PTPRD: variants seen among roughly 807,000 people sequenced by gnomAD.
PTPRD encodes receptor-type tyrosine-protein phosphatase delta.
Under a neutral mutation model 214.5 loss-of-function variants are expected in PTPRD, and 34 were observed. The observed-to-expected ratio is 0.16, with a 90% CI of 0.12 to 0.21. PTPRD has a LOEUF of 0.21. Among genes scored for constraint, PTPRD ranks in the 10% least tolerant of loss-of-function variants. The pLI, the probability that PTPRD is intolerant of heterozygous loss-of-function variation, is 1.00. For synonymous variants in PTPRD, 1,128 were observed against 845.7 expected (o/e 1.33, Z -5.79); for missense variants, 2,545 against 2,398.7 (o/e 1.06, Z -1.27).
chr9:9,996,556 C>T (rs2096128950), intron 4 of PTPRD, among the ~76,000 whole-genome samples: 1 of 152,156 alleles, frequency 6.6e-6, no homozygotes, highest in South Asian at 2.1e-4. Flanking sequence ...TTCTAGCTGA[C>T]CTTGAGCCTT....
intron 5 of PTPRD, among the ~76,000 whole-genome samples, chr9:9,791,773 T>C (rs1248396027): frequency 1.3e-5 from 2 of 152,162 alleles, no homozygotes; most frequent in African/African-American, 2.4e-5. Context: ...TAGTATACTA[T>C]TTACAAAAAT....
chr9:10,477,262 C>T (rs1455288139), intron 2 of PTPRD, among the ~76,000 whole-genome samples: 1 of 151,996 alleles, frequency 6.6e-6, no homozygotes, highest in African/African-American at 2.4e-5. Context: ...CCAGAATCTA[C>T]AAGGAACTTA....
chr9:9,956,910 A>T (rs10978134), intron 4 of PTPRD, among the ~76,000 whole-genome samples: 2 of 152,270 alleles, frequency 1.3e-5, no homozygotes, highest in East Asian at 3.9e-4. Context: ...AGATGAAAAG[A>T]AAAGATGATG....
chr9:10,235,849 T>G (rs901051784), intron 3 of PTPRD, among the ~76,000 whole-genome samples: 3 of 151,994 alleles, frequency 2.0e-5, no homozygotes, highest in African/African-American at 7.2e-5. Flanking sequence ...TGGGCAATTC[T>G]AGTATTAGTA....
chr9:8,665,630 A>G (rs1177726248), intron 12 of PTPRD, among the ~76,000 whole-genome samples: 2 of 152,146 alleles, frequency 1.3e-5, no homozygotes, highest in Admixed American at 1.3e-4. Context: ...ACCTGTATAC[A>G]CTTACTGCCA....
chr9:9,618,089 A>T (rs993271988), intron 7 of PTPRD, among the ~76,000 whole-genome samples: 1 of 148,026 alleles, frequency 6.8e-6, no homozygotes, highest in Admixed American at 6.8e-5. Flanking sequence ...AAAAAAAAAA[A>T]AAAAAAAAAA....
At chr9:8,719,743 A>G (rs1267184093) in intron 12 of PTPRD, among the ~76,000 whole-genome samples, 1 of 152,148 alleles carries the variant, frequency 6.6e-6, no homozygotes, top group Non-Finnish European at 1.5e-5. Context: ...TACAGAAAAC[A>G]TTTGCTGACC....
At chr9:9,129,169 C>T (rs1308064405) in intron 10 of PTPRD, among the ~76,000 whole-genome samples, 1 of 152,174 alleles carries the variant, frequency 6.6e-6, no homozygotes, top group Admixed American at 6.5e-5. Context: ...GCGGGTTGAT[C>T]ACCTGAGGTC....
chr9:9,044,493 T>C (rs2099664311), intron 10 of PTPRD, among the ~76,000 whole-genome samples: 1 of 152,232 alleles, frequency 6.6e-6, no homozygotes, highest in Non-Finnish European at 1.5e-5. Flanking sequence ...ATAGATGTGT[T>C]GGTTGCTTGC....
chr9:10,302,826 C>A (rs2095907444), intron 3 of PTPRD, among the ~76,000 whole-genome samples: 1 of 152,152 alleles, frequency 6.6e-6, no homozygotes. Flanking sequence ...GAAACTGTAA[C>A]ACCCCACTGT....
chr9:8,554,127 G>A (rs937343908), intron 14 of PTPRD, among the ~76,000 whole-genome samples: 6 of 152,304 alleles, frequency 3.9e-5, no homozygotes, highest in African/African-American at 1.2e-4. Flanking sequence ...GGCGAAGGTT[G>A]CAGTGAGCCA....
At chr9:10,559,242 T>G (rs965669022) in intron 2 of PTPRD, among the ~76,000 whole-genome samples, 13 of 152,108 alleles carry the variant, frequency 8.5e-5, no homozygotes, top group African/African-American at 3.1e-4. Flanking sequence ...ATTATAGTAT[T>G]AAGTTGCAGG....
At chr9:10,060,789 T>C (rs1184161362) in intron 3 of PTPRD, among the ~76,000 whole-genome samples, 1 of 127,264 alleles carries the variant, frequency 7.9e-6, no homozygotes, top group Non-Finnish European at 1.5e-5. Context: ...TCTTTCTTTC[T>C]TTCTTTCTTT....
At chr9:8,608,662 G>A (rs1347126788) in intron 14 of PTPRD, among the ~76,000 whole-genome samples, 1 of 152,054 alleles carries the variant, frequency 6.6e-6, no homozygotes, top group Admixed American at 6.6e-5. Context: ...AAATCACGGC[G>A]TTTAGTACAT....
At chr9:9,804,763 G>T (rs1339051986) in intron 5 of PTPRD, among the ~76,000 whole-genome samples, 2 of 151,578 alleles carry the variant, frequency 1.3e-5, no homozygotes, top group African/African-American at 4.8e-5. Flanking sequence ...TATGAGGTGT[G>T]CTTTTTATAT....
intron 5 of PTPRD, among the ~76,000 whole-genome samples, chr9:9,850,436 C>T (rs947226898): frequency 1.3e-5 from 2 of 152,100 alleles, no homozygotes; most frequent in African/African-American, 4.8e-5. Flanking sequence ...TGAAACACCA[C>T]ATATACATGA....
chr9:8,657,229 G>A (rs144968579), intron 12 of PTPRD, among the ~76,000 whole-genome samples: 74 of 145,526 alleles, frequency 5.1e-4, no homozygotes, highest in African/African-American at 1.8e-3. Context: ...GTGCAATGGT[G>A]CAATCTTGGC....
chr9:9,228,180 A>T (rs937706794), intron 9 of PTPRD, among the ~76,000 whole-genome samples: 1 of 151,938 alleles, frequency 6.6e-6, no homozygotes, highest in African/African-American at 2.4e-5. Flanking sequence ...AATAATTGCT[A>T]CTCTTATAAC....
intron 6 of PTPRD, among the ~76,000 whole-genome samples, chr9:9,762,566 T>C (rs1042615577): frequency 3.9e-5 from 6 of 152,182 alleles, no homozygotes; most frequent in African/African-American, 1.2e-4. Flanking sequence ...CAGCTAAACA[T>C]CTAATTTTAT....
Sources: allele counts gnomAD v4.1 joint callset (sites outside exome capture counted in the v4.1 genomes callset), GRCh38; gene constraint gnomAD v4.1.1; transcripts MANE v1.5; gene names NCBI Gene and HGNC (gene_info 2026-07-23, HGNC 2026-07-21).